The following GNG7 variants were observed in gnomAD, a reference collection of about 807,000 sequenced individuals.
The protein encoded by GNG7 is guanine nucleotide-binding protein G(I)/G(S)/G(O) subunit gamma-7.
In GNG7, 1 loss-of-function variant was observed where a neutral mutation model predicts 4.0. The observed-to-expected ratio is 0.25, with a 90% CI of 0.09 to 1.18. The LOEUF (loss-of-function observed/expected upper bound fraction) is 1.18. Among genes scored for constraint, GNG7 ranks in the 50% most tolerant of loss-of-function variants. The probability of loss-of-function intolerance (pLI) is 0.50; values close to 1 mark genes in which losing one functional copy is unlikely to be tolerated. For missense variants in GNG7, 86 were observed against 91.9 expected, an observed-to-expected ratio of 0.94 and a Z score of 0.26; for synonymous variants, 34 against 36.9, an observed-to-expected ratio of 0.92 and a Z score of 0.29.
chr19:2,573,405 G>A (rs2144783162), intron 2 of GNG7, among the ~76,000 whole-genome samples: 1 of 152,278 alleles, frequency 6.6e-6, no homozygotes, highest in South Asian at 2.1e-4. Flanking sequence ...GATGGAGGAG[G>A]CGGGGCTAGT....
intron 2 of GNG7, among the ~76,000 whole-genome samples, chr19:2,556,533 A>G (rs1979550097): frequency 6.6e-6 from 1 of 152,138 alleles, no homozygotes; most frequent in Non-Finnish European, 1.5e-5. Context: ...GAAGAGCCAC[A>G]TGGCTGCTGC....
At chr19:2,680,571 ATTTTTT>A (rs967188330) in intron 1 of GNG7, among the ~76,000 whole-genome samples, 1 of 126,016 alleles carries the variant, frequency 7.9e-6, no homozygotes, top group Non-Finnish European at 1.7e-5. Flanking sequence ...AAAATTTACA[ATTTTTT>A]TTTTTTTTTT....
At chr19:2,644,525 C>T (rs1982615260) in intron 2 of GNG7, among the ~76,000 whole-genome samples, 1 of 151,814 alleles carries the variant, frequency 6.6e-6, no homozygotes, top group South Asian at 2.1e-4. Context: ...AGAAAACGCA[C>T]AATTCAATGG....
intron 2 of GNG7, among the ~76,000 whole-genome samples, chr19:2,612,351 C>A (rs1177898050): frequency 1.3e-5 from 2 of 152,070 alleles, no homozygotes; most frequent in Non-Finnish European, 2.9e-5. Context: ...CCCCAAACAT[C>A]GCCCAGTGCC....
rs528208200 is a variant in GNG7 at position 2,557,393 on chromosome 19, G to A, written c.-77-2205C>T. ...CGTGCACGCACACATGCACGCAGGA[G>A]CGAGCGCCTCCACCCAGCCCTGCAT... is the stretch of plus-strand genomic sequence containing the variant. On this transcript the variant is annotated intron_variant, in intron 2 of 4. Coordinates refer to ENST00000382159, the MANE Select transcript of GNG7 (RefSeq NM_052847.3). This position sits in a 1 kb window ranked among gnomAD's most constrained non-coding sequence, Gnocchi z 5.1. 6.6e-6 allele frequency among the ~76,000 whole-genome samples: 1 copy of A among 152,266 alleles called. No homozygotes were observed. The highest frequency in any genetic ancestry group is 2.4e-5 in the African/African-American group (1 of 41,536).
chr19:2,576,908 T>G (rs1980359053), intron 2 of GNG7, among the ~76,000 whole-genome samples: 1 of 152,206 alleles, frequency 6.6e-6, no homozygotes, highest in South Asian at 2.1e-4. Flanking sequence ...GGTCTCAAAC[T>G]CCTGGGCTCA....
chr19:2,656,854 G>C (rs1982989483), intron 1 of GNG7, among the ~76,000 whole-genome samples: 2 of 152,128 alleles, frequency 1.3e-5, no homozygotes, highest in African/African-American at 4.8e-5. Flanking sequence ...GTGTACTAGA[G>C]TTAGATCTCA....
chr19:2,669,895 A>T (rs992520462), intron 1 of GNG7, among the ~76,000 whole-genome samples: 4 of 151,806 alleles, frequency 2.6e-5, no homozygotes, highest in Non-Finnish European at 5.9e-5. Flanking sequence ...CTATAATCCC[A>T]GCTACTCGGG....
rs1415141486 is a variant in GNG7, at chr19:2,554,551, AT to A, written c.-38+597del. 3.8e-4 allele frequency among the ~76,000 whole-genome samples: 25 copies of A among 65,188 alleles called. No homozygotes were observed. The East Asian group carries it at 0.024, about 63-fold the overall frequency. The allele number at this position is 65,188 out of a possible 152,430, so 42.8% of individuals were successfully genotyped here. ...TGTATAAAATATATATGCTATATAT[AT>A]ATATATATTTTTTTTTTTTTGAGAC... On this transcript the variant is annotated intron_variant, in intron 3 of 4. Transcript: ENST00000382159.
intron 1 of GNG7, among the ~76,000 whole-genome samples, chr19:2,661,262 AAAGAAAGAAAAG>A (rs1310635497): frequency 1.6e-5 from 1 of 64,196 alleles, no homozygotes; most frequent in Non-Finnish European, 2.9e-5. Context: ...AGAAAGAAAG[AAAGAAAGAAAAG>A]AAAGAAAGAA....
intron 1 of GNG7, among the ~76,000 whole-genome samples, chr19:2,664,155 T>C (rs983273162): frequency 1.3e-5 from 2 of 152,174 alleles, no homozygotes; most frequent in Admixed American, 1.3e-4. Flanking sequence ...CAGGACGGGC[T>C]GTCAGAGCCC....
intron 2 of GNG7, among the ~76,000 whole-genome samples, chr19:2,594,398 A>AG (rs1568256131): frequency 1.0e-5 from 1 of 98,910 alleles, no homozygotes; most frequent in East Asian, 2.7e-4. Flanking sequence ...AAGGAAAGAA[A>AG]GAAGGAGGGA....
chr19:2,531,533 A>G (rs1009417959), intron 3 of GNG7, among the ~76,000 whole-genome samples: 5 of 152,056 alleles, frequency 3.3e-5, no homozygotes, highest in Admixed American at 2.6e-4. Context: ...TCCGCAATAC[A>G]GGCCGGGCGC....
intron 3 of GNG7, among the ~76,000 whole-genome samples, chr19:2,522,667 G>C (rs564414582): frequency 6.9e-6 from 1 of 145,594 alleles, no homozygotes; most frequent in East Asian, 2.1e-4. Flanking sequence ...CAGGAGAATG[G>C]GGTGAACCCG....
chr19:2,670,566 G>A (rs998494589), intron 1 of GNG7, among the ~76,000 whole-genome samples: 2 of 151,756 alleles, frequency 1.3e-5, no homozygotes, highest in Non-Finnish European at 2.9e-5. Context: ...GGGCATGGCT[G>A]TGTGACGGGT....
intron 3 of GNG7, among the ~76,000 whole-genome samples, chr19:2,531,643 C>T (rs565489042): frequency 4.0e-5 from 6 of 150,798 alleles, no homozygotes; most frequent in African/African-American, 1.2e-4. Context: ...TGGTGGCAGG[C>T]ACCTGTAGTC....
rs190670811 is a variant in GNG7, at chr19:2,659,119, G to A, written c.-134-12839C>T. ...CGAGTAGCTGGGACTACAGGCGCCC[G>A]CCACCACACCTGGCTAATTTTTTGT... is the stretch of plus-strand genomic sequence containing the variant. On this transcript the variant is annotated intron_variant, in intron 1 of 4. Transcript: ENST00000382159. Among the ~76,000 whole-genome samples the A allele has an allele frequency of 1.5e-3, 232 of 151,802 alleles. 2 individuals carry two copies. The East Asian group carries it at 0.021, about 14-fold the overall frequency.
chr19:2,663,957 G>A (rs544596838), intron 1 of GNG7, among the ~76,000 whole-genome samples: 163 of 152,252 alleles, frequency 1.1e-3, no homozygotes, highest in Non-Finnish European at 1.5e-3. Context: ...CCCAAGTCAC[G>A]GTACCCACAA....
At chr19:2,603,153 G>A (rs1015704710) in intron 2 of GNG7, among the ~76,000 whole-genome samples, 26 of 151,798 alleles carry the variant, frequency 1.7e-4, no homozygotes, top group African/African-American at 5.8e-4. Context: ...TGAAACCTCC[G>A]CCTCCCGGGT....
Sources: allele counts gnomAD v4.1 joint callset (sites outside exome capture counted in the v4.1 genomes callset), GRCh38; gene constraint gnomAD v4.1.1; non-coding constraint Gnocchi (gnomAD v3.1); transcripts MANE v1.5; gene names NCBI Gene and HGNC (gene_info 2026-07-23, HGNC 2026-07-21).